EYA4: variants seen among roughly 807,000 people sequenced by gnomAD.
The protein encoded by EYA4 is protein phosphatase EYA4.
Under a neutral mutation model 87.9 loss-of-function variants are expected in EYA4, and 31 were observed. That is an observed-to-expected ratio of 0.35 (90% CI 0.27 to 0.48). The LOEUF (loss-of-function observed/expected upper bound fraction) is 0.48, where lower values mean the gene tolerates loss of function less well. Ranked by LOEUF, EYA4 falls within the 20% of genes least tolerant of loss-of-function variation. The probability of loss-of-function intolerance (pLI) is 0.99; values close to 1 mark genes in which losing one functional copy is unlikely to be tolerated. For missense variants in EYA4, 678 were observed against 761.4 expected (o/e 0.89, Z 1.29); for synonymous variants, 263 against 270.6 (o/e 0.97, Z 0.28).
intron 2 of EYA4, among the ~76,000 whole-genome samples, chr6:133,307,965 T>C (rs138376732): frequency 6.6e-6 from 1 of 152,072 alleles, no homozygotes; most frequent in East Asian, 1.9e-4. Flanking sequence ...CCTGTGCTGT[T>C]CTCATGATAG....
At chr6:133,513,318 G>T (rs1407989768) in intron 16 of EYA4, among the ~76,000 whole-genome samples, 4 of 152,154 alleles carry the variant, frequency 2.6e-5, no homozygotes, top group Admixed American at 1.3e-4. Context: ...TTATCAGCTG[G>T]TGCTTGGAGC....
chr6:133,506,994 A>T (rs1397850345), intron 14 of EYA4, among the ~76,000 whole-genome samples: 2 of 151,110 alleles, frequency 1.3e-5, no homozygotes, highest in South Asian at 2.1e-4. Context: ...TTTCTCTTTC[A>T]TTTTTTTTCA....
chr6:133,417,980 A>G (rs559067982), intron 3 of EYA4, among the ~76,000 whole-genome samples: 1 of 152,240 alleles, frequency 6.6e-6, no homozygotes, highest in Non-Finnish European at 1.5e-5. Context: ...GGCAGTGCAT[A>G]GTACGGCTCC....
chr6:133,476,663 T>C (rs146793851), intron 11 of EYA4, among the ~76,000 whole-genome samples: 46 of 152,256 alleles, frequency 3.0e-4, no homozygotes, highest in Admixed American at 2.1e-3. Context: ...GATGAACACT[T>C]AGGTTGACTC....
At chr6:133,291,519 C>A (rs1476295632) in intron 2 of EYA4, among the ~76,000 whole-genome samples, 1 of 152,008 alleles carries the variant, frequency 6.6e-6, no homozygotes, top group Non-Finnish European at 1.5e-5. Flanking sequence ...CATATATAGG[C>A]CATAGTTTCG....
At chr6:133,304,087 G>T (rs1300632367) in intron 2 of EYA4, among the ~76,000 whole-genome samples, 9 of 152,144 alleles carry the variant, frequency 5.9e-5, no homozygotes, top group Admixed American at 5.9e-4. Flanking sequence ...GAACAAGGGT[G>T]ATGAGTATGA....
intron 2 of EYA4, among the ~76,000 whole-genome samples, chr6:133,359,083 A>C (rs1257305496): frequency 2.0e-5 from 3 of 152,254 alleles, no homozygotes; most frequent in Admixed American, 2.0e-4. Context: ...ACTAGAACAC[A>C]GGAAACATGG....
At chr6:133,431,553 C>A (rs1260495623) in intron 3 of EYA4, among the ~76,000 whole-genome samples, 1 of 152,178 alleles carries the variant, frequency 6.6e-6, no homozygotes, top group African/African-American at 2.4e-5. Context: ...GTTGACTAAT[C>A]ACTCCTCATG....
chr6:133,382,276 G>T (rs1786286588), intron 2 of EYA4, 116 bp from the exon 3 acceptor site: 2 of 784,914 alleles, frequency 2.5e-6, no homozygotes, highest in Non-Finnish European at 4.7e-6. Flanking sequence ...TGTAAAGTGT[G>T]GGGGGTATTT....
At position 133,462,465 on chromosome 6, in the gene EYA4, T is replaced by C. The variant is rs2128658812; in HGVS notation, c.568T>C (p.Leu190=). 1 of 1,613,966 alleles carries C rather than the reference T, an allele frequency of 6.2e-7. No homozygotes were observed. The highest frequency in any genetic ancestry group is 8.5e-7 in the Non-Finnish European group (1 of 1,179,948). The change falls in exon 8 of 20, where the codon TTG becomes CTG. Residue 190 remains leucine, a synonymous_variant. Transcript: ENST00000355286. The stretch of plus-strand genomic sequence containing the variant: ...CTCACAGACAGGACAGCCCTACAGC[T>C]TGCCCACTTACGGTATTTCACATCT... ...AYSQTGQPYS[L]PTYDLGVMLP...
chr6:133,398,835 A>G (rs1186261974), intron 3 of EYA4, among the ~76,000 whole-genome samples: 2 of 152,206 alleles, frequency 1.3e-5, no homozygotes, highest in African/African-American at 4.8e-5. Context: ...AATCGTATTT[A>G]GTAAAACCTT....
intron 2 of EYA4, among the ~76,000 whole-genome samples, chr6:133,297,319 A>G (rs73776020): frequency 0.011 from 1,614 of 152,194 alleles, 26 homozygotes; most frequent in African/African-American, 0.037. Flanking sequence ...TTGATTTAGG[A>G]CTTGTTTGGC....
intron 5 of EYA4, among the ~76,000 whole-genome samples, chr6:133,455,270 T>A (rs542481603): frequency 6.6e-6 from 1 of 152,298 alleles, no homozygotes; most frequent in South Asian, 2.1e-4. Context: ...ATATAAATAA[T>A]TAGACTACTC....
chr6:133,272,338 A>G (rs1336932533), intron 1 of EYA4, among the ~76,000 whole-genome samples: 1 of 152,196 alleles, frequency 6.6e-6, no homozygotes, highest in Non-Finnish European at 1.5e-5. Context: ...AGTAGAAACC[A>G]TGGACATTTG....
At chr6:133,499,685 A>G (rs929493282) in intron 13 of EYA4, among the ~76,000 whole-genome samples, 1 of 152,206 alleles carries the variant, frequency 6.6e-6, no homozygotes, top group East Asian at 1.9e-4. Flanking sequence ...AATTGGCTAC[A>G]TTACTAAGAA....
intron 2 of EYA4, among the ~76,000 whole-genome samples, chr6:133,364,803 G>A (rs1265005630): frequency 1.3e-5 from 2 of 152,086 alleles, no homozygotes; most frequent in East Asian, 3.9e-4. Flanking sequence ...TTGAATGTTG[G>A]AATGGCTTCC....
chr6:133,399,028 T>A (rs372309994), intron 3 of EYA4, among the ~76,000 whole-genome samples: 1 of 152,138 alleles, frequency 6.6e-6, no homozygotes, highest in African/African-American at 2.4e-5. Context: ...ATATATGCCT[T>A]CCCATGTCTG....
At chr6:133,496,748 C>G (rs1489526490) in intron 13 of EYA4, among the ~76,000 whole-genome samples, 1 of 152,192 alleles carries the variant, frequency 6.6e-6, no homozygotes, top group Admixed American at 6.5e-5. Flanking sequence ...AAAAATGACA[C>G]TACACGGTGA....
chr6:133,356,633 TATA>T (rs1382286491), intron 2 of EYA4, among the ~76,000 whole-genome samples: 1 of 152,058 alleles, frequency 6.6e-6, no homozygotes, highest in Admixed American at 6.6e-5. Context: ...AAGCAAGCCT[TATA>T]ATAAGATATA....
Sources: gnomAD v4.1 joint callset for allele counts (sites outside exome capture counted in the v4.1 genomes callset) on GRCh38, gnomAD v4.1.1 for gene constraint, MANE v1.5 for transcripts, NCBI Gene and HGNC (gene_info 2026-07-23, HGNC 2026-07-21) for gene names.